The following NEXN variants were observed in gnomAD, a reference collection of about 807,000 sequenced individuals.
NEXN encodes nexilin F-actin binding protein.
A neutral mutation model predicts 92.6 loss-of-function variants in NEXN; 65 were observed. That is an observed-to-expected ratio of 0.70 (90% CI 0.57 to 0.86). NEXN has a LOEUF of 0.86. NEXN is among the 40% of genes least tolerant of loss of function. The probability of loss-of-function intolerance (pLI) is 0.00; values close to 1 mark genes in which losing one functional copy is unlikely to be tolerated. For missense variants in NEXN, 778 were observed against 771.1 expected, an observed-to-expected ratio of 1.01 and a Z score of -0.11; for synonymous variants, 254 against 242.5, an observed-to-expected ratio of 1.05 and a Z score of -0.44.
rs760312569 is a variant in NEXN, at chr1:77,925,196, C to T, written c.456C>T (p.Asp152=). 27 of 1,594,912 alleles carry T rather than the reference C, an allele frequency of 1.7e-5. No individual in the cohort carries two copies. Among genetic ancestry groups the T allele is most frequent in the Middle Eastern group, 1.7e-4 (1 of 6,020 alleles). ...ELAKRAEQIE[D]INNTGTESAS... is the part of the protein sequence containing the mutation. The stretch of plus-strand genomic sequence containing the variant: ...AAATTCTCATTCAATAGATTGAGGA[C>T]ATAAACAATACGGGAACTGAATCAG... The change falls in exon 6 of 13, where the codon GAC becomes GAT. Residue 152 remains aspartate, a synonymous_variant. Transcript: ENST00000334785.
rs775629965 is a variant in NEXN at position 77,942,706 on chromosome 1, AACTT to A, written c.1909_1912del (p.Tyr637AlafsTer48). 6 of 1,613,700 alleles carry A rather than the reference AACTT, an allele frequency of 3.7e-6. No individual in the cohort carries two copies. The highest frequency in any genetic ancestry group is 1.3e-5 in the African/African-American group (1 of 74,912). ...ACTATCAATATATTGAAAGGGGAGAAACTTACTGCCTTTACTTACCAGAAACTTT... is the reference window on the plus strand; with the variant it reads ...ACTATCAATATATTGAAAGGGGAGAAACTGCCTTTACTTACCAGAAACTTT... On this transcript the variant is annotated frameshift_variant, in exon 13 of 13. Coordinates refer to ENST00000334785, the MANE Select transcript of NEXN (RefSeq NM_144573.4). LOFTEE classifies it high-confidence loss of function.
At chr1:77,918,998 T>C (rs1649207846) in intron 5 of NEXN, among the ~76,000 whole-genome samples, 1 of 152,130 alleles carries the variant, frequency 6.6e-6, no homozygotes, top group South Asian at 2.1e-4. Flanking sequence ...GATAAAGACA[T>C]ACACAAGACT....
intron 11 of NEXN, among the ~76,000 whole-genome samples, chr1:77,938,745 G>T (rs916979425): frequency 6.6e-6 from 1 of 152,160 alleles, no homozygotes; most frequent in Non-Finnish European, 1.5e-5. Flanking sequence ...TTTAAGGTGA[G>T]TGTGAAGGCT....
chr1:77,892,418 T>C (rs1249084593), intron 1 of NEXN, among the ~76,000 whole-genome samples: 2 of 152,206 alleles, frequency 1.3e-5, no homozygotes, highest in Non-Finnish European at 2.9e-5. Flanking sequence ...TCACATGCTC[T>C]GCATTTGACA....
At chr1:77,932,721 A>G (rs1248128935) in intron 9 of NEXN, among the ~76,000 whole-genome samples, 1 of 152,230 alleles carries the variant, frequency 6.6e-6, no homozygotes, top group Non-Finnish European at 1.5e-5. Flanking sequence ...AATGGAGAAT[A>G]GATGGTTACC....
At chr1:77,927,610 G>A (rs1452784647) in intron 8 of NEXN, among the ~76,000 whole-genome samples, 1 of 151,230 alleles carries the variant, frequency 6.6e-6, no homozygotes, top group South Asian at 2.1e-4. Flanking sequence ...GTCTGTGTGT[G>A]TGTGTGTGTG....
chr1:77,939,261 G>C (rs1308905274), intron 11 of NEXN, among the ~76,000 whole-genome samples: 2 of 152,182 alleles, frequency 1.3e-5, no homozygotes, highest in Non-Finnish European at 2.9e-5. Flanking sequence ...GGGGTGAATA[G>C]TTTTGGCATG....
At position 77,929,299 on chromosome 1, in the gene NEXN, ATTGT is replaced by A. The variant is rs766557757; in HGVS notation, c.865-14_865-11del. On this transcript the variant is annotated splice_polypyrimidine_tract_variant and intron_variant, in intron 8 of 12. Coordinates refer to ENST00000334785, the MANE Select transcript of NEXN (RefSeq NM_144573.4). ...GATGAACCTCAATTCTTAGTAATGAATTGTTTATTTGGTTAGGTAAATGAAGATG... is the reference window on the plus strand; with the variant it reads ...GATGAACCTCAATTCTTAGTAATGAATTATTTGGTTAGGTAAATGAAGATG... 13 of 1,523,490 alleles carry A rather than the reference ATTGT, an allele frequency of 8.5e-6. No individual in the cohort carries two copies. In the African/African-American group the frequency reaches 9.6e-5, roughly 11 times the overall value. The allele number at this position is 1,523,490 out of a possible 1,614,324, so 94.4% of individuals were successfully genotyped here.
chr1:77,938,048 G>C (rs1375094310), intron 11 of NEXN, among the ~76,000 whole-genome samples: 1 of 152,004 alleles, frequency 6.6e-6, no homozygotes, highest in Non-Finnish European at 1.5e-5. Context: ...GGAAGAGGAA[G>C]GAATCATAGT....
intron 1 of NEXN, among the ~76,000 whole-genome samples, chr1:77,907,361 G>T (rs540358375): frequency 6.6e-6 from 1 of 152,178 alleles, no homozygotes; most frequent in Non-Finnish European, 1.5e-5. Flanking sequence ...CAGTGTCTAC[G>T]TAATTATGAA....
intron 1 of NEXN, among the ~76,000 whole-genome samples, chr1:77,891,747 T>TAAAAAAAA (rs373772489): frequency 4.7e-5 from 6 of 129,024 alleles, no homozygotes; most frequent in Non-Finnish European, 6.4e-5. Context: ...GGAAAAAAAG[T>TAAAAAAAA]AAAAAAAAAA....
intron 5 of NEXN, among the ~76,000 whole-genome samples, chr1:77,923,459 G>A (rs1311597083): frequency 1.3e-5 from 2 of 151,812 alleles, no homozygotes; most frequent in African/African-American, 2.4e-5. Flanking sequence ...CTCTTTCATT[G>A]GTTTTAAAAG....
intron 1 of NEXN, among the ~76,000 whole-genome samples, chr1:77,915,351 C>T (rs1022329102): frequency 1.3e-5 from 2 of 152,142 alleles, no homozygotes; most frequent in Middle Eastern, 3.4e-3. Context: ...AGCTGGTGGC[C>T]GGGCATGGTG....
Position 77,934,011 on chromosome 1 carries a change from A to ATT in NEXN, c.1251+547_1251+548dup, listed in dbSNP as rs71075780. Reference sequence around the variant, plus strand: ...CAGCACCATGTCTGGCTAATTTTTAATTTTTTTTTTTTTTTTGAGATGGAG... The same window carrying ATT: ...CAGCACCATGTCTGGCTAATTTTTAATTTTTTTTTTTTTTTTTTGAGATGGAG... On this transcript the variant is annotated intron_variant, in intron 10 of 12. Transcript: ENST00000334785. Among the ~76,000 whole-genome samples the ATT allele has an allele frequency of 8.3e-4, 95 of 114,322 alleles. 3 individuals carry two copies. The highest frequency in any genetic ancestry group is 5.8e-3 in the Middle Eastern group (1 of 172). 75.0% of individuals were successfully genotyped at this position (114,322 alleles called of 152,430 possible).
At chr1:77,892,585 T>C (rs987701098) in intron 1 of NEXN, among the ~76,000 whole-genome samples, 4 of 152,220 alleles carry the variant, frequency 2.6e-5, no homozygotes, top group South Asian at 2.1e-4. Context: ...GGCAAGTATA[T>C]CTGATGCATC....
chr1:77,934,011 A>ATTTCTT (rs1650529936), intron 10 of NEXN, among the ~76,000 whole-genome samples: 1 of 114,310 alleles, frequency 8.7e-6, no homozygotes. Context: ...CTAATTTTTA[A>ATTTCTT]TTTTTTTTTT....
chr1:77,921,336 G>A (rs1421676067), intron 5 of NEXN, among the ~76,000 whole-genome samples: 1 of 152,158 alleles, frequency 6.6e-6, no homozygotes. Flanking sequence ...AAAAACCTGG[G>A]TTTGGGAAGG....
chr1:77,920,789 T>A (rs1399515017), intron 5 of NEXN, among the ~76,000 whole-genome samples: 2 of 151,194 alleles, frequency 1.3e-5, no homozygotes, highest in Non-Finnish European at 2.9e-5. Context: ...AAAAGAGGAG[T>A]TACTGGTGAG....
At chr1:77,893,547 T>C (rs1483630385) in intron 1 of NEXN, among the ~76,000 whole-genome samples, 2 of 152,310 alleles carry the variant, frequency 1.3e-5, no homozygotes, top group African/African-American at 4.8e-5. Flanking sequence ...AAGAATCATG[T>C]GTCTTATTTG....
Sources: allele counts gnomAD v4.1 joint callset (sites outside exome capture counted in the v4.1 genomes callset), GRCh38; gene constraint gnomAD v4.1.1; transcripts MANE v1.5; gene names NCBI Gene and HGNC (gene_info 2026-07-23, HGNC 2026-07-21).